CUBN: variants seen among roughly 807,000 people sequenced by gnomAD.
CUBN encodes the protein 460 kDa receptor.
Under a neutral mutation model 405.3 loss-of-function variants are expected in CUBN, and 282 were observed. That is an observed-to-expected ratio of 0.70 (90% confidence interval 0.63 to 0.77). The LOEUF (loss-of-function observed/expected upper bound fraction) is 0.77. CUBN is among the 30% of genes least tolerant of loss of function. The pLI is 0.00. For missense variants in CUBN, 4,514 were observed against 4,475.2 expected, an observed-to-expected ratio of 1.01 and a Z score of -0.25; for synonymous variants, 1,684 against 1,617.0, an observed-to-expected ratio of 1.04 and a Z score of -0.99.
chr10:16,959,395 G>A (rs1254504718), intron 31 of CUBN, among the ~76,000 whole-genome samples: 1 of 152,132 alleles, frequency 6.6e-6, no homozygotes, highest in Non-Finnish European at 1.5e-5. Context: ...TTGGGAAGCT[G>A]AGGTGGGCAG....
intron 6 of CUBN, among the ~76,000 whole-genome samples, chr10:17,117,675 C>T (rs1042961327): frequency 2.6e-5 from 4 of 152,132 alleles, no homozygotes; most frequent in African/African-American, 9.7e-5. Context: ...GGTGATCTGC[C>T]CACCTCGGCC....
Position 16,900,675 on chromosome 10 carries a change from T to C in CUBN, c.8360A>G (p.His2787Arg), listed in dbSNP as rs772837269. The C allele has an allele frequency of 4.8e-5, 78 of 1,614,194 alleles. No individual in the cohort carries two copies. Among genetic ancestry groups the C allele is most frequent in the Non-Finnish European group, 6.0e-5 (71 of 1,180,002 alleles). ...ATAAAATCCACCACCTTGCAATGAATGGTCTGAGTTAAAAGTCACGACCAG... is the reference window on the plus strand; with the variant it reads ...ATAAAATCCACCACCTTGCAATGAACGGTCTGAGTTAAAAGTCACGACCAG... The part of the protein sequence containing the change: ...NQLVVTFNSD[H>R]SLQGGGFYAT... Residue 2787 changes from histidine to arginine, a missense_variant, in exon 53 of 67, where the codon CAT (histidine) becomes CGT (arginine). By Grantham distance (29) the His-to-Arg change is conservative. Around this residue, in one of 5 missense-constraint regions of CUBN, gnomAD observed 1,186 missense variants for 1,186.9 expected, o/e 1.00. Transcript: ENST00000377833.
intron 21 of CUBN, among the ~76,000 whole-genome samples, chr10:17,065,891 T>C (rs1012891688): frequency 1.2e-4 from 18 of 152,128 alleles, no homozygotes; most frequent in African/African-American, 4.3e-4. Context: ...AGAAGTTTAA[T>C]AAAAGCTACA....
intron 62 of CUBN, among the ~76,000 whole-genome samples, chr10:16,838,482 G>C (rs1839242540): frequency 6.6e-6 from 1 of 152,158 alleles, no homozygotes; most frequent in Non-Finnish European, 1.5e-5. Context: ...ATTTTCCCCA[G>C]ATAATCTCAT....
At chr10:16,902,175 G>GTA (rs1277395512) in intron 51 of CUBN, among the ~76,000 whole-genome samples, 5 of 126,728 alleles carry the variant, frequency 3.9e-5, no homozygotes, top group Non-Finnish European at 8.0e-5. Context: ...ACTATATATA[G>GTA]TATATATATT....
chr10:17,011,629 T>G (rs1834190044), intron 28 of CUBN, among the ~76,000 whole-genome samples: 1 of 152,124 alleles, frequency 6.6e-6, no homozygotes, highest in African/African-American at 2.4e-5. Flanking sequence ...GGTGGCCAGC[T>G]TTTATTCCCT....
chr10:16,874,356 C>A lies in CUBN; in HGVS notation c.9236+18G>T. 6.2e-7 allele frequency: 1 copy of A among 1,613,846 alleles called. No individual in the cohort carries two copies. The highest frequency in any genetic ancestry group is 8.5e-7 in the Non-Finnish European group (1 of 1,179,814). On this transcript the variant is annotated intron_variant, in intron 58 of 66. Transcript: ENST00000377833. ...TGCTGAAAGGATTTTCTTAAGAAAG[C>A]CAATTTGTCTTACGTACTTGAGCTC...
intron 66 of CUBN, 50 bp from the exon 67 acceptor site, chr10:16,825,132 G>T: frequency 7.5e-7 from 1 of 1,333,982 alleles, no homozygotes; most frequent in Non-Finnish European, 1.1e-6. Flanking sequence ...ATATTTGAAC[G>T]TTTTTCTAGG....
At chr10:16,992,094 A>G (rs1833606993) in intron 28 of CUBN, among the ~76,000 whole-genome samples, 2 of 152,200 alleles carry the variant, frequency 1.3e-5, no homozygotes, top group African/African-American at 4.8e-5. Flanking sequence ...CTTTTTAGGG[A>G]CATGGATGAA....
chr10:16,980,399 T>C (rs1187780725), intron 31 of CUBN, among the ~76,000 whole-genome samples: 1 of 152,232 alleles, frequency 6.6e-6, no homozygotes, highest in Non-Finnish European at 1.5e-5. Flanking sequence ...CACGTATGTT[T>C]ACTGCAGCAC....
At chr10:16,843,400 G>A (rs538772758) in intron 60 of CUBN, among the ~76,000 whole-genome samples, 2 of 152,248 alleles carry the variant, frequency 1.3e-5, no homozygotes, top group South Asian at 4.1e-4. Context: ...AAAGTGCTAG[G>A]ATTATGTAAG....
At chr10:17,084,564 A>ACAC in intron 16 of CUBN, 103 bp from the exon 17 acceptor site, 3 of 887,306 alleles carry the variant, frequency 3.4e-6, no homozygotes, top group Non-Finnish European at 5.5e-6. Flanking sequence ...ACACACACAC[A>ACAC]AGCACATATC....
chr10:17,119,943 T>C (rs1836998664), intron 6 of CUBN, among the ~76,000 whole-genome samples: 1 of 152,198 alleles, frequency 6.6e-6, no homozygotes, highest in Non-Finnish European at 1.5e-5. Flanking sequence ...TCAGAGGTCT[T>C]TACAATGGCA....
At chr10:16,848,835 G>A (rs1839596201) in intron 60 of CUBN, among the ~76,000 whole-genome samples, 1 of 151,372 alleles carries the variant, frequency 6.6e-6, no homozygotes, top group African/African-American at 2.4e-5. Context: ...CCGAGAAGCT[G>A]GTACCGTAGG....
chr10:17,126,843 C>T, intron 3 of CUBN, 44 bp from the exon 4 acceptor site: 1 of 1,600,578 alleles, frequency 6.2e-7, no homozygotes, highest in African/African-American at 1.3e-5. Flanking sequence ...GGTTCAAAGG[C>T]ATTGCACATG....
At chr10:17,074,324 T>G (rs1318255309) in intron 17 of CUBN, among the ~76,000 whole-genome samples, 4 of 152,170 alleles carry the variant, frequency 2.6e-5, no homozygotes, top group Non-Finnish European at 2.9e-5. Context: ...AGTACCTTTT[T>G]GGTTTTGTGT....
chr10:16,924,503 T>C (rs1377445260), intron 43 of CUBN, among the ~76,000 whole-genome samples: 2 of 152,162 alleles, frequency 1.3e-5, no homozygotes, highest in Non-Finnish European at 2.9e-5. Flanking sequence ...TATGATTTCA[T>C]TTACATATAT....
At chr10:16,852,866 T>C (rs1194014812) in intron 59 of CUBN, among the ~76,000 whole-genome samples, 2 of 152,230 alleles carry the variant, frequency 1.3e-5, no homozygotes, top group Non-Finnish European at 2.9e-5. Flanking sequence ...CACAGTGTGA[T>C]AGAAAGAGGC....
At chr10:16,979,461 C>T (rs1833200753) in intron 31 of CUBN, among the ~76,000 whole-genome samples, 1 of 152,098 alleles carries the variant, frequency 6.6e-6, no homozygotes, top group Non-Finnish European at 1.5e-5. Flanking sequence ...CCTACAGTAA[C>T]CAAAACAGCA....
Sources: allele counts gnomAD v4.1 joint callset (sites outside exome capture counted in the v4.1 genomes callset), GRCh38; gene constraint gnomAD v4.1.1; regional missense constraint gnomAD v4.1.1; transcripts MANE v1.5; gene names NCBI Gene and HGNC (gene_info 2026-07-23, HGNC 2026-07-21).